Variants in FGFR1 observed in about 807,000 individuals in gnomAD.
FGFR1 encodes the protein FGFR1/PLAG1 fusion.
A neutral mutation model predicts 93.7 loss-of-function variants in FGFR1; 18 were observed. That is an observed-to-expected ratio of 0.19 (90% CI 0.13 to 0.28). The LOEUF (loss-of-function observed/expected upper bound fraction) is 0.28, where lower values mean the gene tolerates loss of function less well. FGFR1 is among the 10% of genes least tolerant of loss of function. The probability of loss-of-function intolerance (pLI) is 1.00; values close to 1 mark genes in which losing one functional copy is unlikely to be tolerated. For synonymous variants in FGFR1, 448 were observed against 429.3 expected (o/e 1.04, Z -0.54); for missense variants, 731 against 1,080.4 (o/e 0.68, Z 4.53).
chr8:38,428,163 C>A (rs2150923235), intron 4 of FGFR1, 70 bp from the exon 5 acceptor site: 1 of 1,602,854 alleles, frequency 6.2e-7, no homozygotes, highest in Non-Finnish European at 8.5e-7. Flanking sequence ...GGAGCAGGGC[C>A]CAGGCCAGGA....
chr8:38,459,079 A>G (rs1323328530), intron 1 of FGFR1: 5 of 229,250 alleles, frequency 2.2e-5, no homozygotes, highest in Non-Finnish European at 4.3e-5. Context: ...TGGTGGGGTA[A>G]AACTTAAAAC....
At chr8:38,448,138 G>A (rs1010157702) in intron 2 of FGFR1, among the ~76,000 whole-genome samples, 10 of 152,066 alleles carry the variant, frequency 6.6e-5, no homozygotes, top group Non-Finnish European at 1.0e-4. Flanking sequence ...ATAAATGCAA[G>A]AAAAAAGTCT....
At position 38,414,133 on chromosome 8, in the gene FGFR1, G is replaced by C. The variant is rs776791517; in HGVS notation, c.2186+19C>G. 6.2e-7 allele frequency: 1 copy of C among 1,614,156 alleles called. No individual in the cohort carries two copies. The highest frequency in any genetic ancestry group is 8.5e-7 in the Non-Finnish European group (1 of 1,180,018). On this transcript the variant is annotated intron_variant, in intron 16 of 17. Coordinates refer to ENST00000447712, the MANE Select transcript of FGFR1 (RefSeq NM_023110.3). ...CCCCAAGGCCTGGCTCAGGGCCTCC[G>C]ACATCTCCTCGGGCTTACAGCTCGT...
Position 38,429,701 on chromosome 8 carries a change from G to A in FGFR1, c.339C>T (p.Tyr113=), listed in dbSNP as rs1275520154. ...TSSPSGSDTT[Y]FSVNVSDALP... is the part of the protein sequence containing the mutation. ...ACCAACCTGAAACATTGACGGAGAAGTAGGTGGTGTCACTGCCCGAGGGGC... is the reference window on the plus strand; with the variant it reads ...ACCAACCTGAAACATTGACGGAGAAATAGGTGGTGTCACTGCCCGAGGGGC... Residue 113 remains tyrosine (Y), a synonymous_variant, in exon 3 of 18, where the codon TAC becomes TAT. Transcript: ENST00000447712. This position sits in a 1 kb window ranked among gnomAD's most constrained non-coding sequence, Gnocchi z 4.4. The A allele has an allele frequency of 6.4e-7, 1 of 1,570,652 alleles. No individual in the cohort carries two copies. Among genetic ancestry groups the A allele is most frequent in the Non-Finnish European group, 8.6e-7 (1 of 1,157,532 alleles).
intron 2 of FGFR1, among the ~76,000 whole-genome samples, chr8:38,434,193 TA>T (rs1824340342): frequency 1.3e-5 from 2 of 152,194 alleles, no homozygotes; most frequent in African/African-American, 4.8e-5. Flanking sequence ...CTTTCTTTTT[TA>T]AAAAATAAGT....
At chr8:38,451,636 G>A (rs1227460807) in intron 2 of FGFR1, among the ~76,000 whole-genome samples, 2 of 152,126 alleles carry the variant, frequency 1.3e-5, no homozygotes, top group Non-Finnish European at 2.9e-5. Flanking sequence ...TCCATTAAGT[G>A]CAACCTCTCC....
intron 2 of FGFR1, among the ~76,000 whole-genome samples, chr8:38,439,776 C>G (rs1021612220): frequency 6.6e-6 from 1 of 152,210 alleles, no homozygotes; most frequent in African/African-American, 2.4e-5. Context: ...TTAAAACTCA[C>G]TCTTCTGAGA....
chr8:38,421,725 G>T, intron 8 of FGFR1, 72 bp downstream of exon 8: 1 of 1,522,842 alleles, frequency 6.6e-7, no homozygotes, highest in Non-Finnish European at 9.1e-7. Context: ...GTCTCCCCAA[G>T]CCTGGAAATG....
intron 5 of FGFR1, among the ~76,000 whole-genome samples, chr8:38,427,063 C>T (rs6984358): frequency 0.18 from 27,646 of 150,514 alleles, 2,951 homozygotes; most frequent in East Asian, 0.31. Flanking sequence ...GCCAAGATGG[C>T]ACCACTGCAC....
At position 38,414,938 on chromosome 8, in the gene FGFR1, G is replaced by C. The variant is rs370630198; in HGVS notation, c.1855-37C>G. 6.3e-5 allele frequency: 101 copies of C among 1,592,200 alleles called. No individual in the cohort carries two copies. In the African/African-American group the frequency reaches 1.3e-3, roughly 20 times the overall value. On this transcript the variant is annotated intron_variant, in intron 13 of 17. Transcript: ENST00000447712. ...GGAAGGGAGAGCGGGAGGCGGGGAG[G>C]TGAGGGAGCTGGAAGGCTCTGGGCG...
intron 1 of FGFR1, among the ~76,000 whole-genome samples, chr8:38,461,733 A>AT (rs142440741): frequency 0.027 from 4,061 of 152,306 alleles, 205 homozygotes; most frequent in African/African-American, 0.092. Context: ...AGGAAGCCAC[A>AT]TCACAGGTGA....
chr8:38,417,484 G>T, intron 11 of FGFR1, 68 bp from the exon 12 acceptor site: 1 of 1,339,106 alleles, frequency 7.5e-7, no homozygotes, highest in South Asian at 1.2e-5. Flanking sequence ...CTAAGGGAGT[G>T]GGGTATGTGT....
At chr8:38,464,737 G>T (rs1053629523) in intron 1 of FGFR1, among the ~76,000 whole-genome samples, 1 of 152,170 alleles carries the variant, frequency 6.6e-6, no homozygotes, top group Non-Finnish European at 1.5e-5. Flanking sequence ...ACTATCAAGT[G>T]ATGTGAGGCC....
intron 1 of FGFR1, 29 bp downstream of exon 1, chr8:38,467,952 C>A (rs1308493299): frequency 4.6e-6 from 1 of 216,894 alleles, no homozygotes; most frequent in African/African-American, 2.3e-5. Context: ...CCAAGCCCGC[C>A]CCAGATCCGG....
chr8:38,425,521 A>G (rs1820439574), intron 6 of FGFR1, among the ~76,000 whole-genome samples: 1 of 152,108 alleles, frequency 6.6e-6, no homozygotes, highest in South Asian at 2.1e-4. Flanking sequence ...CAAGAAGAAC[A>G]CTGGCTGAGA....
intron 2 of FGFR1, among the ~76,000 whole-genome samples, chr8:38,433,556 C>T (rs185505440): frequency 9.9e-4 from 151 of 152,208 alleles, no homozygotes; most frequent in Non-Finnish European, 1.7e-3. Flanking sequence ...GTGATCTGCC[C>T]GCCTCGGTCC....
chr8:38,419,486 C>T (rs769512792), intron 9 of FGFR1, 47 bp downstream of exon 9: 3 of 1,543,112 alleles, frequency 1.9e-6, no homozygotes, highest in South Asian at 2.2e-5. Flanking sequence ...CATTAGAGGC[C>T]CAGAGAGAGA....
chr8:38,446,426 G>C (rs1019384948), intron 2 of FGFR1, among the ~76,000 whole-genome samples: 23 of 151,542 alleles, frequency 1.5e-4, no homozygotes, highest in Non-Finnish European at 3.2e-4. Context: ...GCCCAGGCTG[G>C]TCTCGAACTC....
intron 2 of FGFR1, among the ~76,000 whole-genome samples, chr8:38,442,680 C>T (rs778917840): frequency 3.9e-5 from 6 of 152,086 alleles, no homozygotes; most frequent in East Asian, 3.9e-4. Context: ...TGGGGCCTCT[C>T]GAACAACCTC....
Sources: allele counts gnomAD v4.1 joint callset (sites outside exome capture counted in the v4.1 genomes callset), GRCh38; gene constraint gnomAD v4.1.1; non-coding constraint Gnocchi (gnomAD v3.1); transcripts MANE v1.5; gene names NCBI Gene and HGNC (gene_info 2026-07-23, HGNC 2026-07-21).